SLCO5A1: variants seen among roughly 807,000 people sequenced by gnomAD.
SLCO5A1 encodes solute carrier organic anion transporter family member 5A1.
A neutral mutation model predicts 65.1 loss-of-function variants in SLCO5A1; 39 were observed. The ratio of observed to expected loss-of-function variants is 0.60; its 90% CI spans 0.46 to 0.78. The LOEUF (loss-of-function observed/expected upper bound fraction) is 0.78, where lower values mean the gene tolerates loss of function less well. SLCO5A1 is among the 30% of genes least tolerant of loss of function. The pLI is 0.00. For synonymous variants in SLCO5A1, 438 were observed against 415.7 expected, an observed-to-expected ratio of 1.05 and a Z score of -0.65; for missense variants, 1,029 against 1,069.4, an observed-to-expected ratio of 0.96 and a Z score of 0.53.
intron 2 of SLCO5A1, among the ~76,000 whole-genome samples, chr8:69,766,385 A>G (rs1818057978): frequency 6.6e-6 from 1 of 151,908 alleles, no homozygotes; most frequent in African/African-American, 2.4e-5. Flanking sequence ...TTGTCTCCCC[A>G]CTTCATCTCT....
chr8:69,805,571 A>T (rs1819958223), intron 2 of SLCO5A1, among the ~76,000 whole-genome samples: 2 of 152,228 alleles, frequency 1.3e-5, no homozygotes, highest in South Asian at 4.1e-4. Flanking sequence ...TGGTGGGAGA[A>T]TTCTTCATGC....
intron 2 of SLCO5A1, among the ~76,000 whole-genome samples, chr8:69,790,128 G>A (rs961006471): frequency 9.3e-5 from 14 of 149,824 alleles, no homozygotes; most frequent in Admixed American, 6.7e-4. Flanking sequence ...AGGAGGCGGG[G>A]TTGCAGTGAG....
intron 5 of SLCO5A1, among the ~76,000 whole-genome samples, chr8:69,709,899 C>T (rs1815150181): frequency 6.6e-6 from 1 of 151,984 alleles, no homozygotes; most frequent in Non-Finnish European, 1.5e-5. Flanking sequence ...CATGCTCCGG[C>T]ATGTTCAACA....
intron 2 of SLCO5A1, among the ~76,000 whole-genome samples, chr8:69,765,697 G>A (rs536011415): frequency 3.3e-4 from 50 of 152,204 alleles, no homozygotes; most frequent in Non-Finnish European, 5.7e-4. Flanking sequence ...AGGACAAACC[G>A]GCCTCCTGCT....
intron 7 of SLCO5A1, 57 bp downstream of exon 7, chr8:69,682,127 A>T: frequency 6.5e-7 from 1 of 1,544,882 alleles, no homozygotes. Context: ...GAATTTCATC[A>T]CATCCTTGTC....
intron 5 of SLCO5A1, among the ~76,000 whole-genome samples, chr8:69,712,113 T>A (rs1185510148): frequency 6.6e-6 from 1 of 152,236 alleles, no homozygotes; most frequent in Non-Finnish European, 1.5e-5. Context: ...ATGTCTTTTA[T>A]CTGAATCTAA....
intron 1 of SLCO5A1, chr8:69,834,086 C>CCCCACACACA (rs1457371864): frequency 1.4e-5 from 2 of 144,338 alleles, no homozygotes; most frequent in African/African-American, 5.2e-5. Context: ...GCGTGCGCGG[C>CCCCACACACA]CACACACACA....
intron 2 of SLCO5A1, among the ~76,000 whole-genome samples, chr8:69,802,891 G>A (rs1187737635): frequency 6.6e-6 from 1 of 152,206 alleles, no homozygotes; most frequent in African/African-American, 2.4e-5. Flanking sequence ...GGCTCCCAGA[G>A]GCGAGAACTT....
intron 5 of SLCO5A1, among the ~76,000 whole-genome samples, chr8:69,733,000 C>A (rs190491903): frequency 1.3e-5 from 2 of 151,874 alleles, no homozygotes; most frequent in African/African-American, 4.8e-5. Flanking sequence ...ACCCTTCTGG[C>A]CCTTTTTTTC....
At chr8:69,699,157 C>T (rs1814618449) in intron 6 of SLCO5A1, among the ~76,000 whole-genome samples, 1 of 152,200 alleles carries the variant, frequency 6.6e-6, no homozygotes, top group African/African-American at 2.4e-5. Flanking sequence ...AATTCCCATC[C>T]CTTCTCTACT....
At chr8:69,705,337 C>G (rs1028017834) in intron 5 of SLCO5A1, 108 bp from the exon 6 acceptor site, 1 of 876,096 alleles carries the variant, frequency 1.1e-6, no homozygotes, top group East Asian at 2.5e-5. Context: ...TCAAAAGTTA[C>G]TATAATCAAT....
At chr8:69,765,162 GTGTATGTATA>G (rs1158243088) in intron 2 of SLCO5A1, among the ~76,000 whole-genome samples, 3 of 152,024 alleles carry the variant, frequency 2.0e-5, no homozygotes, top group African/African-American at 7.3e-5. Context: ...ACGTGTGCCT[GTGTATGTATA>G]TGTATGTATA....
At chr8:69,784,887 GA>G (rs1457349710) in intron 2 of SLCO5A1, among the ~76,000 whole-genome samples, 2 of 76,598 alleles carry the variant, frequency 2.6e-5, no homozygotes, top group Admixed American at 3.3e-4. Context: ...AAGAAAGAAA[GA>G]AGAAAGGAAG....
At chr8:69,682,986 C>A (rs2933075) in intron 6 of SLCO5A1, among the ~76,000 whole-genome samples, 63,078 of 151,986 alleles carry the variant, frequency 0.42, 13,517 homozygotes, top group South Asian at 0.55. Flanking sequence ...AGGATTGCCC[C>A]GGTGTGGATC....
At chr8:69,825,140 A>C (rs1322166552) in intron 2 of SLCO5A1, among the ~76,000 whole-genome samples, 1 of 152,208 alleles carries the variant, frequency 6.6e-6, no homozygotes, top group African/African-American at 2.4e-5. Flanking sequence ...AAATAATAAG[A>C]GCTATCTCTG....
intron 5 of SLCO5A1, among the ~76,000 whole-genome samples, chr8:69,710,339 T>C (rs543217042): frequency 3.9e-5 from 6 of 152,128 alleles, no homozygotes; most frequent in South Asian, 4.2e-4. Context: ...CTTTTACAGA[T>C]GAGGAGACTG....
At chr8:69,734,358 G>A (rs1200306649) in intron 5 of SLCO5A1, among the ~76,000 whole-genome samples, 1 of 152,124 alleles carries the variant, frequency 6.6e-6, no homozygotes, top group African/African-American at 2.4e-5. Flanking sequence ...AACTCCAAAT[G>A]GGCAGATTCT....
Position 69,691,844 on chromosome 8 carries a change from A to G in SLCO5A1, c.1623-9501T>C, listed in dbSNP as rs1007842304. On this transcript the variant is annotated intron_variant, in intron 6 of 9. Coordinates refer to ENST00000260126, the MANE Select transcript of SLCO5A1 (RefSeq NM_030958.3). ...ACTCCTAGGCTATACAGTATAGACTATTGCTCCTGGGCTACAAACCTGTAC... is the reference window on the plus strand; with the variant it reads ...ACTCCTAGGCTATACAGTATAGACTGTTGCTCCTGGGCTACAAACCTGTAC... Among the ~76,000 whole-genome samples, 179 of 152,316 alleles carry G rather than the reference A, an allele frequency of 1.2e-3. 3 individuals carry two copies. Among genetic ancestry groups the G allele is most frequent in the Non-Finnish European group, 3.1e-4 (21 of 68,024 alleles).
intron 5 of SLCO5A1, among the ~76,000 whole-genome samples, chr8:69,715,686 C>T (rs917370161): frequency 6.6e-6 from 1 of 152,138 alleles, no homozygotes; most frequent in Non-Finnish European, 1.5e-5. Context: ...CCACTAAGGC[C>T]AGGTGGAAAT....
Sources: allele counts gnomAD v4.1 joint callset (sites outside exome capture counted in the v4.1 genomes callset), GRCh38; gene constraint gnomAD v4.1.1; transcripts MANE v1.5; gene names NCBI Gene and HGNC (gene_info 2026-07-23, HGNC 2026-07-21).